The following ZNRF1 variants were observed in gnomAD, a reference collection of about 807,000 sequenced individuals.
The protein encoded by ZNRF1 is E3 ubiquitin-protein ligase ZNRF1.
In ZNRF1, 3 loss-of-function variants were observed where a neutral mutation model predicts 18.4. That is an observed-to-expected ratio of 0.16 (90% CI 0.07 to 0.42). ZNRF1 has a LOEUF of 0.42. Ranked by LOEUF, ZNRF1 falls within the 10% of genes least tolerant of loss-of-function variation. The pLI, the probability that ZNRF1 is intolerant of heterozygous loss-of-function variation, is 0.99. For synonymous variants in ZNRF1, 157 were observed against 144.2 expected, an observed-to-expected ratio of 1.09 and a Z score of -0.64; for missense variants, 310 against 329.8, an observed-to-expected ratio of 0.94 and a Z score of 0.47.
intron 1 of ZNRF1, among the ~76,000 whole-genome samples, chr16:75,063,422 A>G (rs1305953976): frequency 2.0e-5 from 3 of 151,958 alleles, no homozygotes; most frequent in Admixed American, 2.0e-4. Flanking sequence ...GCTTTACTTT[A>G]TCTCCCTTCA....
At chr16:75,066,092 C>G (rs1006462701) in intron 1 of ZNRF1, among the ~76,000 whole-genome samples, 1 of 152,164 alleles carries the variant, frequency 6.6e-6, no homozygotes, top group Non-Finnish European at 1.5e-5. Context: ...CCATTCAATT[C>G]CAGAAGTTCA....
chr16:75,106,206 T>C (rs2036314031), intron 3 of ZNRF1: 1 of 440,320 alleles, frequency 2.3e-6, no homozygotes, highest in Non-Finnish European at 4.2e-6. Context: ...ACAGAAAGCT[T>C]TGGTCCTTCT....
intron 1 of ZNRF1, among the ~76,000 whole-genome samples, chr16:75,020,497 C>T (rs1208090222): frequency 6.6e-6 from 1 of 151,784 alleles, no homozygotes; most frequent in Non-Finnish European, 1.5e-5. Flanking sequence ...GTGCTATTGA[C>T]CATGTTTTGT....
intron 1 of ZNRF1, among the ~76,000 whole-genome samples, chr16:75,054,561 G>A (rs2035645580): frequency 1.3e-5 from 2 of 152,236 alleles, no homozygotes; most frequent in African/African-American, 4.8e-5. Context: ...GGGCTTCTCA[G>A]TCCTCATGCT....
chr16:75,000,797 T>G (rs760181107), intron 1 of ZNRF1, among the ~76,000 whole-genome samples: 2 of 152,220 alleles, frequency 1.3e-5, no homozygotes, highest in Non-Finnish European at 2.9e-5. Flanking sequence ...TTTTTTCTTC[T>G]GCTCCATGCT....
chr16:75,093,166 C>G (rs1597906640), intron 1 of ZNRF1, among the ~76,000 whole-genome samples: 1 of 152,170 alleles, frequency 6.6e-6, no homozygotes, highest in South Asian at 2.1e-4. Flanking sequence ...GGGTGAATCA[C>G]CTGATGTCAG....
intron 1 of ZNRF1, among the ~76,000 whole-genome samples, chr16:75,050,903 A>AAAAAAC (rs1567478938): frequency 8.3e-5 from 11 of 132,556 alleles, no homozygotes; most frequent in African/African-American, 2.9e-4. Flanking sequence ...AAAAAACAAA[A>AAAAAAC]AACTTGTAGC....
intron 1 of ZNRF1, among the ~76,000 whole-genome samples, chr16:75,048,671 T>A (rs1204531139): frequency 1.3e-5 from 2 of 152,160 alleles, no homozygotes; most frequent in African/African-American, 4.8e-5. Flanking sequence ...GTTAAGCATT[T>A]TTGGCAGAAG....
intron 1 of ZNRF1, among the ~76,000 whole-genome samples, chr16:75,048,278 T>TCTCA (rs2035542556): frequency 6.6e-6 from 1 of 152,150 alleles, no homozygotes; most frequent in Admixed American, 6.6e-5. Flanking sequence ...TGAACACCAG[T>TCTCA]TATGTTGAAT....
At chr16:75,033,916 G>A (rs1475463049) in intron 1 of ZNRF1, among the ~76,000 whole-genome samples, 1 of 152,010 alleles carries the variant, frequency 6.6e-6, no homozygotes. Context: ...GGAGGCTAAG[G>A]TGGGCAGATT....
chr16:75,002,885 T>C (rs1188744851), intron 1 of ZNRF1, among the ~76,000 whole-genome samples: 1 of 152,244 alleles, frequency 6.6e-6, no homozygotes, highest in Non-Finnish European at 1.5e-5. Context: ...TCTGATCCCT[T>C]AGGGCTTAGA....
chr16:75,017,585 C>T (rs905950554), intron 1 of ZNRF1, among the ~76,000 whole-genome samples: 2 of 152,146 alleles, frequency 1.3e-5, no homozygotes, highest in African/African-American at 2.4e-5. Flanking sequence ...TTGATCTGCT[C>T]CTGGGAATTG....
intron 1 of ZNRF1, among the ~76,000 whole-genome samples, chr16:75,051,586 C>G (rs370362748): frequency 2.2e-4 from 33 of 151,710 alleles, no homozygotes; most frequent in African/African-American, 7.7e-4. Context: ...GGCATGATCT[C>G]GGCTCACTGC....
At chr16:75,067,922 A>G (rs1236896271) in intron 1 of ZNRF1, among the ~76,000 whole-genome samples, 2 of 152,176 alleles carry the variant, frequency 1.3e-5, no homozygotes, top group African/African-American at 2.4e-5. Context: ...CTTAACCCAC[A>G]TGGCAGCAAA....
At chr16:75,066,660 G>A (rs2035807973) in intron 1 of ZNRF1, among the ~76,000 whole-genome samples, 1 of 152,018 alleles carries the variant, frequency 6.6e-6, no homozygotes, top group Non-Finnish European at 1.5e-5. Flanking sequence ...GCGCCACCAT[G>A]CCCGGCTAAT....
intron 1 of ZNRF1, among the ~76,000 whole-genome samples, chr16:75,085,333 A>T (rs949040648): frequency 6.6e-6 from 1 of 152,220 alleles, no homozygotes; most frequent in Non-Finnish European, 1.5e-5. Flanking sequence ...GTTTTAATTC[A>T]TCCATGTTGT....
intron 1 of ZNRF1, among the ~76,000 whole-genome samples, chr16:75,062,874 C>A (rs550619247): frequency 1.3e-5 from 2 of 152,334 alleles, no homozygotes; most frequent in South Asian, 4.1e-4. Context: ...TCAGTTCTGA[C>A]AATATTATAG....
chr16:75,045,210 C>G (rs1488446678), intron 1 of ZNRF1, among the ~76,000 whole-genome samples: 1 of 152,150 alleles, frequency 6.6e-6, no homozygotes, highest in Non-Finnish European at 1.5e-5. Context: ...AAACTATGTT[C>G]CCCATGCCAG....
intron 1 of ZNRF1, among the ~76,000 whole-genome samples, chr16:75,012,805 G>A (rs1259377642): frequency 6.6e-6 from 1 of 152,180 alleles, no homozygotes; most frequent in Admixed American, 6.5e-5. Flanking sequence ...TATTAGAAAT[G>A]TGTTAAGATT....
Sources: gnomAD v4.1 joint callset for allele counts (sites outside exome capture counted in the v4.1 genomes callset) on GRCh38, gnomAD v4.1.1 for gene constraint, MANE v1.5 for transcripts, NCBI Gene and HGNC (gene_info 2026-07-23, HGNC 2026-07-21) for gene names.